Variants in ASXL3 observed in about 807,000 individuals in gnomAD.
The protein encoded by ASXL3 is ASXL transcriptional regulator 3.
ASXL3 carries 34 observed loss-of-function variants against 170.6 expected under a neutral mutation model. That is an observed-to-expected ratio of 0.20 (90% CI 0.15 to 0.27). The LOEUF is 0.27. Among genes scored for constraint, ASXL3 ranks in the 10% least tolerant of loss-of-function variants. ASXL3 has a pLI of 1.00. For synonymous variants in ASXL3, 1,002 were observed against 989.1 expected (o/e 1.01, Z -0.24); for missense variants, 2,592 against 2,695.3 (o/e 0.96, Z 0.85).
intron 5 of ASXL3, among the ~76,000 whole-genome samples, chr18:33,664,624 A>G (rs1391315155): frequency 3.3e-5 from 5 of 152,202 alleles, no homozygotes; most frequent in Non-Finnish European, 7.4e-5. Context: ...TGGAGTAAAA[A>G]AAATAATTTA....
Position 33,646,302 on chromosome 18 carries a change from T to C in ASXL3, c.304T>C (p.Leu102=), listed in dbSNP as rs2065912304. The change falls in exon 4 of 12, where the codon TTG becomes CTG. Residue 102 remains leucine (L), a synonymous_variant. Transcript: ENST00000269197. ...GTTGGATTTAGTCTGTGAATCTGAA[T>C]TGGATGGTACAGATATGGCCGAGGC... ...GTLDLVCESE[L]DGTDMAEANA... is the part of the protein sequence containing the mutation. 1 of 1,611,500 alleles carries C rather than the reference T, an allele frequency of 6.2e-7. No individual in the cohort carries two copies.
intron 1 of ASXL3, among the ~76,000 whole-genome samples, chr18:33,601,932 A>G (rs1249779060): frequency 6.6e-6 from 1 of 151,606 alleles, no homozygotes; most frequent in Middle Eastern, 3.4e-3. Flanking sequence ...CTGGGACTAT[A>G]GGCACACACC....
chr18:33,706,132 CT>C (rs2066952324), intron 8 of ASXL3, among the ~76,000 whole-genome samples: 1 of 148,438 alleles, frequency 6.7e-6, no homozygotes, highest in Non-Finnish European at 1.5e-5. Context: ...TTTTGGAGTA[CT>C]TTTAGTAGCT....
At position 33,745,362 on chromosome 18, in the gene ASXL3, C is replaced by T. The variant is rs759668363; in HGVS notation, c.5514C>T (p.His1838=). 4 of 1,613,870 alleles carry T rather than the reference C, an allele frequency of 2.5e-6. No individual in the cohort carries two copies. Among genetic ancestry groups the T allele is most frequent in the African/African-American group, 1.3e-5 (1 of 74,920 alleles). ...KKRVARTVGE[H]TQVKCEPGKL... ...GAGTAGCTAGGACTGTAGGAGAACA[C>T]ACTCAAGTTAAATGTGAACCAGGAA... Residue 1838 remains histidine, a synonymous_variant, in exon 12 of 12, where the codon CAC becomes CAT. Coordinates refer to ENST00000269197, the MANE Select transcript of ASXL3 (RefSeq NM_030632.3).
chr18:33,702,325 G>A (rs560195043), intron 8 of ASXL3, among the ~76,000 whole-genome samples: 73 of 151,720 alleles, frequency 4.8e-4, no homozygotes, highest in African/African-American at 1.7e-3. Flanking sequence ...GATATTGTAG[G>A]TTATATCTTA....
intron 7 of ASXL3, among the ~76,000 whole-genome samples, chr18:33,676,042 G>A (rs2066422166): frequency 6.6e-6 from 1 of 151,662 alleles, no homozygotes; most frequent in Non-Finnish European, 1.5e-5. Flanking sequence ...GGCTAACACA[G>A]TGAAACCCCG....
intron 5 of ASXL3, among the ~76,000 whole-genome samples, chr18:33,669,113 T>C (rs139067849): frequency 1.3e-5 from 2 of 152,290 alleles, no homozygotes; most frequent in African/African-American, 4.8e-5. Context: ...TTATTATTGA[T>C]TGATAGGTTA....
chr18:33,735,808 A>G (rs1373287606), intron 10 of ASXL3, among the ~76,000 whole-genome samples: 1 of 152,140 alleles, frequency 6.6e-6, no homozygotes, highest in Non-Finnish European at 1.5e-5. Flanking sequence ...TATTAATTTA[A>G]TGTATTTATC....
chr18:33,636,777 C>T (rs1233215780), intron 2 of ASXL3, among the ~76,000 whole-genome samples: 1 of 151,892 alleles, frequency 6.6e-6, no homozygotes, highest in Non-Finnish European at 1.5e-5. Context: ...TGTTTGGGAC[C>T]AGAAGTGTCT....
chr18:33,642,573 T>G (rs117580338), intron 2 of ASXL3, among the ~76,000 whole-genome samples: 2 of 152,028 alleles, frequency 1.3e-5, no homozygotes, highest in Non-Finnish European at 2.9e-5. Context: ...TGGGAAAGAT[T>G]TATAGAAATT....
intron 8 of ASXL3, among the ~76,000 whole-genome samples, chr18:33,721,453 GTATAT>G (rs1160506606): frequency 8.6e-5 from 13 of 152,034 alleles, no homozygotes; most frequent in African/African-American, 3.1e-4. Flanking sequence ...CCATGTATGT[GTATAT>G]TAAAGTACAT....
At chr18:33,693,079 T>C (rs2066711096) in intron 8 of ASXL3, among the ~76,000 whole-genome samples, 1 of 152,270 alleles carries the variant, frequency 6.6e-6, no homozygotes. Context: ...AAAATCATGT[T>C]GGGGTTAAGG....
At chr18:33,718,570 T>C (rs1371522390) in intron 8 of ASXL3, among the ~76,000 whole-genome samples, 1 of 152,124 alleles carries the variant, frequency 6.6e-6, no homozygotes, top group Non-Finnish European at 1.5e-5. Flanking sequence ...ATCTCTATTC[T>C]TAACTGCAGC....
chr18:33,721,288 G>T (rs1022708217), intron 8 of ASXL3, among the ~76,000 whole-genome samples: 2 of 151,944 alleles, frequency 1.3e-5, no homozygotes, highest in African/African-American at 4.8e-5. Context: ...CTTGATAACA[G>T]CAAAAGGTTC....
At chr18:33,695,109 A>C (rs868277745) in intron 8 of ASXL3, among the ~76,000 whole-genome samples, 10 of 152,304 alleles carry the variant, frequency 6.6e-5, no homozygotes, top group Middle Eastern at 3.4e-3. Flanking sequence ...TTGATTTAAA[A>C]ATTATACTGT....
At chr18:33,593,851 TA>T (rs1022018925) in intron 1 of ASXL3, among the ~76,000 whole-genome samples, 21 of 152,218 alleles carry the variant, frequency 1.4e-4, no homozygotes, top group African/African-American at 5.1e-4. Context: ...GAAATATTAT[TA>T]TAGGTGAGGC....
chr18:33,633,166 A>G lies in ASXL3; in HGVS notation c.138-11728A>G, dbSNP rs145973965. ...TATCCGTCATTAACTAGTTACTTTC[A>G]TTAGAAGGTAATTTGGAAGTAGCTA... On this transcript the variant is annotated intron_variant, in intron 2 of 11. Coordinates refer to ENST00000269197, the MANE Select transcript of ASXL3 (RefSeq NM_030632.3). 4.5e-3 allele frequency among the ~76,000 whole-genome samples: 691 copies of G among 152,288 alleles called. 4 individuals carry two copies. The highest frequency in any genetic ancestry group is 0.016 in the African/African-American group (650 of 41,562).
intron 2 of ASXL3, among the ~76,000 whole-genome samples, chr18:33,640,738 A>G (rs1252834332): frequency 6.6e-6 from 1 of 152,180 alleles, no homozygotes; most frequent in Non-Finnish European, 1.5e-5. Flanking sequence ...GATGCTTGAA[A>G]GAAGCATTAT....
In ASXL3 at chr18:33,743,513, C is replaced by A. The variant is rs1462561606; in HGVS notation, c.3665C>A (p.Ser1222Tyr). Reference protein sequence around the residue: ...LSEKIVSSTSSENSSVPMLFN... With the variant: ...LSEKIVSSTSYENSSVPMLFN... ...GAGAAAATTGTTTCATCTACCTCTTCTGAAAATAGCAGTGTGCCCATGCTT... is the reference window on the plus strand; with the variant it reads ...GAGAAAATTGTTTCATCTACCTCTTATGAAAATAGCAGTGTGCCCATGCTT... Residue 1222 changes from serine (S) to tyrosine (Y), a missense_variant, in exon 12 of 12, where the codon TCT becomes TAT. Physicochemically the swap from Ser to Tyr is moderately radical, Grantham distance 144. Coordinates refer to ENST00000269197, the MANE Select transcript of ASXL3 (RefSeq NM_030632.3). 2 of 1,613,418 alleles carry A rather than the reference C, an allele frequency of 1.2e-6. No individual in the cohort carries two copies. Among genetic ancestry groups the A allele is most frequent in the Non-Finnish European group, 1.7e-6 (2 of 1,179,862 alleles).
Sources: allele counts gnomAD v4.1 joint callset (sites outside exome capture counted in the v4.1 genomes callset), GRCh38; gene constraint gnomAD v4.1.1; transcripts MANE v1.5; gene names NCBI Gene and HGNC (gene_info 2026-07-23, HGNC 2026-07-21).